JAM3: variants seen among roughly 807,000 people sequenced by gnomAD.
JAM3 encodes the protein junctional adhesion molecule 3.
Under a neutral mutation model 39.4 loss-of-function variants are expected in JAM3, and 31 were observed. The observed-to-expected ratio is 0.79, with a 90% CI of 0.59 to 1.06. The LOEUF (loss-of-function observed/expected upper bound fraction) is 1.06, where lower values mean the gene tolerates loss of function less well. Among genes scored for constraint, JAM3 ranks in the 50% least tolerant of loss-of-function variants. JAM3 has a pLI of 0.00. For synonymous variants in JAM3, 182 were observed against 148.7 expected, an observed-to-expected ratio of 1.22 and a Z score of -1.63; for missense variants, 455 against 391.4, an observed-to-expected ratio of 1.16 and a Z score of -1.37.
intron 1 of JAM3, among the ~76,000 whole-genome samples, chr11:134,113,760 A>C (rs1942366639): frequency 6.6e-6 from 1 of 152,212 alleles, no homozygotes; most frequent in Non-Finnish European, 1.5e-5. Context: ...TCCCTGAGGA[A>C]TCGCCACACT....
chr11:134,081,435 C>G (rs1300148947), intron 1 of JAM3, among the ~76,000 whole-genome samples: 1 of 152,180 alleles, frequency 6.6e-6, no homozygotes, highest in African/African-American at 2.4e-5. Flanking sequence ...TGCCTATAGA[C>G]TTGGTGCCCT....
intron 1 of JAM3, among the ~76,000 whole-genome samples, chr11:134,088,537 C>T (rs576092215): frequency 5.9e-5 from 9 of 152,030 alleles, no homozygotes; most frequent in Admixed American, 1.3e-4. Flanking sequence ...ACATGTACAT[C>T]CTTTTCTATA....
At chr11:134,097,885 C>A (rs184721244) in intron 1 of JAM3, among the ~76,000 whole-genome samples, 3 of 151,558 alleles carry the variant, frequency 2.0e-5, no homozygotes. Context: ...TATATACACA[C>A]ACTTTGCACT....
intron 1 of JAM3, among the ~76,000 whole-genome samples, chr11:134,119,856 A>G (rs1278996736): frequency 6.6e-6 from 1 of 152,132 alleles, no homozygotes. Flanking sequence ...GTCTTTTTGT[A>G]CTTTCATTTT....
intron 1 of JAM3, among the ~76,000 whole-genome samples, chr11:134,083,759 T>G (rs1941703817): frequency 6.6e-6 from 1 of 152,096 alleles, no homozygotes; most frequent in African/African-American, 2.4e-5. Context: ...GATGGGTCCT[T>G]TTCTATACCT....
At chr11:134,102,114 G>T (rs920439539) in intron 1 of JAM3, among the ~76,000 whole-genome samples, 1 of 152,142 alleles carries the variant, frequency 6.6e-6, no homozygotes, top group Non-Finnish European at 1.5e-5. Context: ...CACTAATTTA[G>T]ACATTTCATA....
intron 1 of JAM3, among the ~76,000 whole-genome samples, chr11:134,129,053 C>T (rs1387476614): frequency 2.0e-5 from 3 of 151,974 alleles, no homozygotes; most frequent in Admixed American, 1.3e-4. Context: ...CAGTAGGTGA[C>T]TGCCTTCTTG....
intron 1 of JAM3, among the ~76,000 whole-genome samples, chr11:134,128,082 AAAAG>A (rs1161844915): frequency 1.1e-4 from 17 of 152,096 alleles, no homozygotes; most frequent in Admixed American, 8.5e-4. Context: ...AAAAAAAAGG[AAAAG>A]AAAGAAAAAA....
intron 3 of JAM3, among the ~76,000 whole-genome samples, chr11:134,143,166 C>T (rs987645412): frequency 2.0e-5 from 3 of 152,094 alleles, no homozygotes; most frequent in Non-Finnish European, 4.4e-5. Context: ...TTTAAAAAAC[C>T]GACAGAGTGT....
chr11:134,120,884 T>C (rs1263252407), intron 1 of JAM3, among the ~76,000 whole-genome samples: 1 of 152,226 alleles, frequency 6.6e-6, no homozygotes, highest in South Asian at 2.1e-4. Context: ...GTTTTAATAA[T>C]ATTTTATGTT....
At chr11:134,107,395 T>C (rs1942213186) in intron 1 of JAM3, among the ~76,000 whole-genome samples, 1 of 152,092 alleles carries the variant, frequency 6.6e-6, no homozygotes, top group African/African-American at 2.4e-5. Flanking sequence ...GACGAGTTAA[T>C]GGGTGCAGCA....
chr11:134,140,921 T>C (rs1392948956), intron 3 of JAM3, 151 bp downstream of exon 3: 2 of 1,066,242 alleles, frequency 1.9e-6, no homozygotes, highest in Non-Finnish European at 2.6e-6. Context: ...TTATGGAAAA[T>C]TTCAAATATA....
intron 1 of JAM3, among the ~76,000 whole-genome samples, chr11:134,109,501 C>T (rs1356836320): frequency 6.6e-6 from 1 of 152,190 alleles, no homozygotes; most frequent in Non-Finnish European, 1.5e-5. Context: ...ACAGCCACAT[C>T]CATCCATTTA....
rs373210401 is a variant in JAM3 at position 134,140,762 on chromosome 11, A to G, written c.248A>G (p.Lys83Arg). The change falls in exon 3 of 9, where the codon AAA becomes AGA. Residue 83 changes from lysine to arginine, a missense_variant. Coordinates refer to ENST00000299106, the MANE Select transcript of JAM3 (RefSeq NM_032801.5). Reference sequence around the variant, plus strand: ...ACCACATATGTGTTTTTTGACAACAAAATTCAGGGTATGATCCTGTAGTCC... The same window carrying G: ...ACCACATATGTGTTTTTTGACAACAGAATTCAGGGTATGATCCTGTAGTCC... ...EQTTYVFFDN[K>R]IQGDLAGRAE... The G allele has an allele frequency of 2.2e-5, 35 of 1,613,244 alleles. No individual in the cohort carries two copies. The highest frequency in any genetic ancestry group is 2.9e-5 in the Non-Finnish European group (34 of 1,179,618).
At chr11:134,082,588 T>A (rs1230172239) in intron 1 of JAM3, among the ~76,000 whole-genome samples, 2 of 152,148 alleles carry the variant, frequency 1.3e-5, no homozygotes, top group African/African-American at 4.8e-5. Context: ...CTATACAAGC[T>A]CTTCTCTTGT....
intron 4 of JAM3, 119 bp from the exon 5 acceptor site, chr11:134,144,673 G>A (rs1943037971): frequency 6.3e-6 from 6 of 947,810 alleles, no homozygotes; most frequent in Admixed American, 5.5e-5. Flanking sequence ...CCTGGGAACA[G>A]CAGTGGCGTG....
chr11:134,139,537 AGG>A, intron 1 of JAM3: 1 of 369,380 alleles, frequency 2.7e-6, no homozygotes, highest in Non-Finnish European at 5.2e-6. Flanking sequence ...CAGGTCTGGG[AGG>A]AGAGGTGTCG....
chr11:134,144,245 C>T lies in JAM3; in HGVS notation c.261C>T (p.Asp87=), dbSNP rs1033470182. The change falls in exon 4 of 9, where the codon GAC becomes GAT. Residue 87 remains aspartate (D), a synonymous_variant. Coordinates refer to ENST00000299106, the MANE Select transcript of JAM3 (RefSeq NM_032801.5). ...TGCCTCGTGTCTTTTCTGTAGGAGA[C>T]TTGGCGGGTCGTGCAGAAATACTGG... ...YVFFDNKIQG[D]LAGRAEILGK... 6.2e-6 allele frequency: 10 copies of T among 1,614,130 alleles called. No individual in the cohort carries two copies. Among genetic ancestry groups the T allele is most frequent in the East Asian group, 2.2e-5 (1 of 44,882 alleles).
In JAM3 at chr11:134,151,134, C is replaced by G. The variant is rs114365266; in HGVS notation, c.*1953C>G. 6.6e-6 allele frequency: 1 copy of G among 152,386 alleles called. No individual in the cohort carries two copies. Among genetic ancestry groups the G allele is most frequent in the East Asian group, 1.9e-4 (1 of 5,194 alleles). 9.4% of individuals were successfully genotyped at this position (152,386 alleles called of 1,614,324 possible). A position where few individuals can be genotyped will look rare whatever the true frequency, so the allele number is the denominator to read the frequency against. On this transcript the variant is annotated 3_prime_UTR_variant, in exon 9 of 9. Transcript: ENST00000299106. ...CACTGTGTGCCTGGAGAATGGCTCT[C>G]ACTACTCACCTTGTCTTTCAGCTTC... is the stretch of plus-strand genomic sequence containing the variant.
Sources: allele counts gnomAD v4.1 joint callset (sites outside exome capture counted in the v4.1 genomes callset), GRCh38; gene constraint gnomAD v4.1.1; transcripts MANE v1.5; gene names NCBI Gene and HGNC (gene_info 2026-07-23, HGNC 2026-07-21).